STK10: variants seen among roughly 807,000 people sequenced by gnomAD.
STK10 encodes the protein serine/threonine kinase 10.
A neutral mutation model predicts 113.8 loss-of-function variants in STK10; 78 were observed. The ratio of observed to expected loss-of-function variants is 0.69; its 90% CI spans 0.57 to 0.83. The LOEUF (loss-of-function observed/expected upper bound fraction) is 0.83. Among genes scored for constraint, STK10 ranks in the 40% least tolerant of loss-of-function variants. The pLI is 0.00. For missense variants in STK10, 1,109 were observed against 1,280.1 expected (o/e 0.87, Z 2.04); for synonymous variants, 465 against 494.7 (o/e 0.94, Z 0.80).
intron 10 of STK10, among the ~76,000 whole-genome samples, chr5:172,084,162 G>A (rs899826672): frequency 2.6e-5 from 4 of 151,984 alleles, no homozygotes; most frequent in African/African-American, 9.7e-5. Context: ...AGCACTTTGG[G>A]AGGCCGAGGA....
intron 1 of STK10, among the ~76,000 whole-genome samples, chr5:172,178,762 G>A (rs1770802038): frequency 6.6e-6 from 1 of 152,194 alleles, no homozygotes. Flanking sequence ...GACAGAGGAG[G>A]TCAACAAATA....
chr5:172,118,010 CAAAAA>C (rs57672334), intron 3 of STK10, among the ~76,000 whole-genome samples: 2 of 69,826 alleles, frequency 2.9e-5, no homozygotes, highest in African/African-American at 4.7e-5. Flanking sequence ...TACTCCATCT[CAAAAA>C]AAAAAAAAAA....
At chr5:172,096,711 A>G (rs1768863997) in intron 7 of STK10, 151 bp from the exon 8 acceptor site, 1 of 1,092,612 alleles carries the variant, frequency 9.2e-7, no homozygotes, top group Non-Finnish European at 1.3e-6. Context: ...GACAGCCTGG[A>G]AAGTCCCAAG....
intron 2 of STK10, among the ~76,000 whole-genome samples, chr5:172,135,011 A>G (rs777166682): frequency 1.2e-4 from 18 of 152,214 alleles, no homozygotes; most frequent in Non-Finnish European, 2.2e-4. Flanking sequence ...TCCAGAATAC[A>G]TAAAGAACTC....
At chr5:172,154,080 T>C (rs981046650) in intron 2 of STK10, among the ~76,000 whole-genome samples, 4 of 152,206 alleles carry the variant, frequency 2.6e-5, no homozygotes, top group African/African-American at 7.2e-5. Flanking sequence ...AAAGTACCAC[T>C]GGGTCTCCAT....
At chr5:172,171,231 T>C (rs1469893452) in intron 1 of STK10, among the ~76,000 whole-genome samples, 1 of 152,218 alleles carries the variant, frequency 6.6e-6, no homozygotes, top group Non-Finnish European at 1.5e-5. Context: ...TTTGGTATTC[T>C]GCGGTGGGAC....
intron 10 of STK10, among the ~76,000 whole-genome samples, chr5:172,089,630 A>T (rs1199547691): frequency 6.6e-6 from 1 of 152,018 alleles, no homozygotes; most frequent in Non-Finnish European, 1.5e-5. Context: ...GGATAGATAA[A>T]CAGATGGATA....
At chr5:172,052,845 G>A (rs1767657333) in intron 18 of STK10, 84 bp downstream of exon 18, 1 of 1,301,034 alleles carries the variant, frequency 7.7e-7, no homozygotes, top group Non-Finnish European at 1.1e-6. Flanking sequence ...CCAAAATAAG[G>A]AGACCTAACA....
chr5:172,104,065 G>T (rs1457215678), intron 7 of STK10, among the ~76,000 whole-genome samples: 1 of 152,204 alleles, frequency 6.6e-6, no homozygotes, highest in Admixed American at 6.5e-5. Flanking sequence ...CCGACCACAG[G>T]CCCAGTGCAT....
In STK10 at chr5:172,042,774, C is replaced by A. The variant is rs1767406099; in HGVS notation, c.*2108G>T. ...CCCCCATCTGGGTCAAATTCTGCAGCAGGCAAGCTAAATGCTCACTAACCT... is the reference window on the plus strand; with the variant it reads ...CCCCCATCTGGGTCAAATTCTGCAGAAGGCAAGCTAAATGCTCACTAACCT... On this transcript the variant is annotated 3_prime_UTR_variant, in exon 19 of 19. Transcript: ENST00000176763. The A allele has an allele frequency of 2.0e-5, 3 of 152,246 alleles. No individual in the cohort carries two copies. The highest frequency in any genetic ancestry group is 4.4e-5 in the Non-Finnish European group (3 of 68,050). The allele number at this position is 152,246 out of a possible 1,614,324, so 9.4% of individuals were successfully genotyped here.
At position 172,136,597 on chromosome 5, in the gene STK10, AAAAT is replaced by A. The variant is rs58897747; in HGVS notation, c.322-9180_322-9177del. On this transcript the variant is annotated intron_variant, in intron 2 of 18. Coordinates refer to ENST00000176763, the MANE Select transcript of STK10 (RefSeq NM_005990.4). ...GGGCGACAGAGCGAGACTCCGTCTCAAAATAAATAAATAAATAAATAAATAAAGT... is the reference window on the plus strand; with the variant it reads ...GGGCGACAGAGCGAGACTCCGTCTCAAAATAAATAAATAAATAAATAAAGT... Among the ~76,000 whole-genome samples, 658 of 151,230 alleles carry A rather than the reference AAAAT, an allele frequency of 4.4e-3. 8 individuals are homozygous for A. Among genetic ancestry groups the A allele is most frequent in the South Asian group, 0.028 (134 of 4,788 alleles).
intron 10 of STK10, among the ~76,000 whole-genome samples, chr5:172,085,905 T>C (rs1768548281): frequency 6.6e-6 from 1 of 152,010 alleles, no homozygotes; most frequent in Non-Finnish European, 1.5e-5. Context: ...GTGGCCTTCC[T>C]CATGACTCGG....
intron 1 of STK10, among the ~76,000 whole-genome samples, chr5:172,175,900 G>A (rs959391764): frequency 2.0e-5 from 3 of 152,180 alleles, no homozygotes; most frequent in Non-Finnish European, 4.4e-5. Context: ...TGTGGAGTGA[G>A]GATATCCCCC....
At chr5:172,140,611 C>T (rs1769953441) in intron 2 of STK10, among the ~76,000 whole-genome samples, 2 of 152,124 alleles carry the variant, frequency 1.3e-5, no homozygotes, top group African/African-American at 2.4e-5. Context: ...GCAGGAGAAT[C>T]GCTTGAATCC....
intron 18 of STK10, among the ~76,000 whole-genome samples, chr5:172,049,461 G>C (rs1005318458): frequency 5.9e-5 from 9 of 152,146 alleles, no homozygotes; most frequent in Non-Finnish European, 1.0e-4. Flanking sequence ...GCCCAGCAGG[G>C]AACGAGGGAA....
chr5:172,167,199 T>C (rs1581188308), intron 1 of STK10, among the ~76,000 whole-genome samples: 1 of 148,552 alleles, frequency 6.7e-6, no homozygotes, highest in Admixed American at 6.7e-5. Context: ...ACAAAAGAAA[T>C]GTACTAGGAT....
At chr5:172,084,375 G>A (rs888276779) in intron 10 of STK10, among the ~76,000 whole-genome samples, 3 of 151,188 alleles carry the variant, frequency 2.0e-5, no homozygotes, top group African/African-American at 7.3e-5. Context: ...ACTCCCGCCT[G>A]GGCAACAAGG....
At chr5:172,145,988 C>A (rs1348012838) in intron 2 of STK10, among the ~76,000 whole-genome samples, 1 of 152,254 alleles carries the variant, frequency 6.6e-6, no homozygotes, top group African/African-American at 2.4e-5. Context: ...GCTCACACCT[C>A]CCACAGGACA....
At chr5:172,177,711 T>G (rs1770782371) in intron 1 of STK10, among the ~76,000 whole-genome samples, 1 of 152,238 alleles carries the variant, frequency 6.6e-6, no homozygotes, top group Non-Finnish European at 1.5e-5. Context: ...TTCCCTATTT[T>G]TCCTCTGGTT....
Sources: allele counts gnomAD v4.1 joint callset (sites outside exome capture counted in the v4.1 genomes callset), GRCh38; gene constraint gnomAD v4.1.1; transcripts MANE v1.5; gene names NCBI Gene and HGNC (gene_info 2026-07-23, HGNC 2026-07-21).